SLC12A4: variants seen among roughly 807,000 people sequenced by gnomAD.
SLC12A4 encodes solute carrier family 12 member 4.
Under a neutral mutation model 119.2 loss-of-function variants are expected in SLC12A4, and 84 were observed. The observed-to-expected ratio is 0.70, with a 90% CI of 0.59 to 0.85. The LOEUF (loss-of-function observed/expected upper bound fraction) is 0.85, where lower values mean the gene tolerates loss of function less well. Among genes scored for constraint, SLC12A4 ranks in the 40% least tolerant of loss-of-function variants. The probability of loss-of-function intolerance (pLI) is 0.00; values close to 1 mark genes in which losing one functional copy is unlikely to be tolerated. For missense variants in SLC12A4, 1,298 were observed against 1,476.3 expected, an observed-to-expected ratio of 0.88 and a Z score of 1.98; for synonymous variants, 599 against 604.6, an observed-to-expected ratio of 0.99 and a Z score of 0.14.
chr16:67,964,102 C>A, intron 1 of SLC12A4: 1 of 1,519,136 alleles, frequency 6.6e-7, no homozygotes, highest in Non-Finnish European at 8.9e-7. Flanking sequence ...CCGGGGCATG[C>A]CGGGAGGTGG....
rs2029911769 is a variant in SLC12A4 at position 67,951,640 on chromosome 16, C to T, written c.1132+183G>A. ...GGCTGCTGCAGGCCTTGGACGCTGG[C>T]CAGACAGGCTCCACTCACTCCAAAC... On this transcript the variant is annotated intron_variant, in intron 8 of 23. Coordinates refer to ENST00000316341, the MANE Select transcript of SLC12A4 (RefSeq NM_005072.5). The surrounding 1 kb of genome is among the most constrained non-coding windows in gnomAD (Gnocchi z 5.2). 1 of 636,146 alleles carries T rather than the reference C, an allele frequency of 1.6e-6. No individual in the cohort carries two copies. The highest frequency in any genetic ancestry group is 1.9e-5 in the South Asian group (1 of 51,472). The allele number at this position is 636,146 out of a possible 1,614,324, so 39.4% of individuals were successfully genotyped here.
chr16:67,968,050 T>C (rs1405254306), intron 1 of SLC12A4, among the ~76,000 whole-genome samples: 1 of 151,952 alleles, frequency 6.6e-6, no homozygotes, highest in East Asian at 1.9e-4. Context: ...GAATCTCAAA[T>C]GAGGAACCGA....
Position 67,947,804 on chromosome 16 carries a change from G to T in SLC12A4, c.1848-16C>A. 1 of 1,575,622 alleles carries T rather than the reference G, an allele frequency of 6.3e-7. No homozygotes were observed. Among genetic ancestry groups the T allele is most frequent in the Non-Finnish European group, 8.6e-7 (1 of 1,160,986 alleles). On this transcript the variant is annotated splice_polypyrimidine_tract_variant and intron_variant, in intron 14 of 23. Coordinates refer to ENST00000316341, the MANE Select transcript of SLC12A4 (RefSeq NM_005072.5). ...GGACAGCGCCCTGGACGAGAGGGGAGGGCAGAGTCAGGGCAGGACCAGGAG... is the reference window on the plus strand; with the variant it reads ...GGACAGCGCCCTGGACGAGAGGGGATGGCAGAGTCAGGGCAGGACCAGGAG...
Position 67,948,067 on chromosome 16 carries a change from T to A in SLC12A4, c.1841A>T (p.Tyr614Phe). The change falls in exon 14 of 24, where the codon TAT becomes TTT. Residue 614 changes from tyrosine to phenylalanine, a missense_variant. Tyr to Phe is a conservative substitution (Grantham distance 22). Transcript: ENST00000316341. ...TGTCAGAGGCATGGCTCACCAGTGA[T>A]AGTACTTGAACCGGGGCCGCCAGTT... Reference protein sequence around the residue: ...TPNWRPRFKYYHWALSFLGMS... With the variant: ...TPNWRPRFKYFHWALSFLGMS... The A allele has an allele frequency of 1.9e-6, 3 of 1,613,040 alleles. No individual in the cohort carries two copies. The East Asian group carries it at 6.7e-5, about 36-fold the overall frequency.
At position 67,950,659 on chromosome 16, in the gene SLC12A4, C is replaced by T. The variant is rs1410148746; in HGVS notation, c.1449G>A (p.Arg483=). Residue 483 remains arginine (R), a synonymous_variant, in exon 11 of 24, where the codon CGG becomes CGA. Transcript: ENST00000316341. The surrounding 1 kb of genome is among the most constrained non-coding windows in gnomAD (Gnocchi z 4.3). Reference sequence around the variant, plus strand: ...GGGGGGCCCAGCTCACTCACTTGTCCCGGAGAACCACACCCTCAATGCAGG... The same window carrying T: ...GGGGGGCCCAGCTCACTCACTTGTCTCGGAGAACCACACCCTCAATGCAGG... ...FGACIEGVVL[R]DKYGDGVSRN... 5 of 1,612,280 alleles carry T rather than the reference C, an allele frequency of 3.1e-6. No individual in the cohort carries two copies. The highest frequency in any genetic ancestry group is 4.2e-6 in the Non-Finnish European group (5 of 1,179,206).
rs1338930506 is a variant in SLC12A4, at chr16:67,951,134, G to A, written c.1297+6C>T. On this transcript the variant is annotated splice_donor_region_variant and intron_variant, in intron 9 of 23. Transcript: ENST00000316341. This position sits in a 1 kb window ranked among gnomAD's most constrained non-coding sequence, Gnocchi z 5.2. Reference sequence around the variant, plus strand: ...AGGGCTGGGTGGGTAGGCAGGCAGGGCTCACCTGTTACAGAAGGGAAGAAG... The same window carrying A: ...AGGGCTGGGTGGGTAGGCAGGCAGGACTCACCTGTTACAGAAGGGAAGAAG... 1 of 1,613,894 alleles carries A rather than the reference G, an allele frequency of 6.2e-7. No homozygotes were observed. Among genetic ancestry groups the A allele is most frequent in the South Asian group, 1.1e-5 (1 of 91,086 alleles).
At position 67,945,155 on chromosome 16, in the gene SLC12A4, G is replaced by T; in HGVS notation, c.3098C>A (p.Ser1033Tyr). The change falls in exon 23 of 24, where the codon TCC becomes TAC. Residue 1033 changes from serine to tyrosine, a missense_variant. Ser to Tyr is a moderately radical substitution (Grantham distance 144). Coordinates refer to ENST00000316341, the MANE Select transcript of SLC12A4 (RefSeq NM_005072.5). ...TAGGAGAACCAGGCGGGCGTCGTGG[G>T]AGCGCGTGACAATGACTTCATTGAG... ...VKLNEVIVTR[S>Y]HDARLVLLNM... is the part of the protein sequence containing the mutation. 1 of 1,598,612 alleles carries T rather than the reference G, an allele frequency of 6.3e-7. No individual in the cohort carries two copies. The highest frequency in any genetic ancestry group is 1.1e-5 in the South Asian group (1 of 88,840).
rs201009253 is a variant in SLC12A4 at position 67,951,174 on chromosome 16, G to A, written c.1263C>T (p.Thr421=). ...AAGGGAAGAAGATGCCGACCAGCAC[G>A]GTGAAGGATGTGGCGATGTCAGCGA... is the stretch of plus-strand genomic sequence containing the variant. ...YVVADIATSF[T]VLVGIFFPSV... is the part of the protein sequence containing the mutation. The change falls in exon 9 of 24, where the codon ACC becomes ACT. Residue 421 remains threonine, a synonymous_variant. Coordinates refer to ENST00000316341, the MANE Select transcript of SLC12A4 (RefSeq NM_005072.5). This position sits in a 1 kb window ranked among gnomAD's most constrained non-coding sequence, Gnocchi z 5.2. 28 of 1,614,060 alleles carry A rather than the reference G, an allele frequency of 1.7e-5. No individual in the cohort carries two copies. Among genetic ancestry groups the A allele is most frequent in the East Asian group, 6.7e-5 (3 of 44,880 alleles).
intron 13 of SLC12A4, among the ~76,000 whole-genome samples, chr16:67,948,718 TC>T (rs1004205007): frequency 1.1e-4 from 17 of 152,028 alleles, no homozygotes; most frequent in African/African-American, 4.1e-4. Flanking sequence ...GGGCAGGGGC[TC>T]CCAGCAGGAG....
Position 67,957,893 on chromosome 16 carries a change from C to T in SLC12A4, c.489+5G>A, listed in dbSNP as rs2030358674. On this transcript the variant is annotated splice_donor_5th_base_variant and intron_variant, in intron 4 of 23. Transcript: ENST00000316341. ...AGCCCAACCCTCCCACGCCAGGACA[C>T]TCACACAACAGCAGCAGATAAGCAC... is the stretch of plus-strand genomic sequence containing the variant. The T allele has an allele frequency of 6.2e-7, 1 of 1,614,056 alleles. No individual in the cohort carries two copies. Among genetic ancestry groups the T allele is most frequent in the Admixed American group, 1.7e-5 (1 of 60,010 alleles).
Position 67,958,057 on chromosome 16 carries a change from A to G in SLC12A4, c.343-13T>C. The G allele has an allele frequency of 6.2e-7, 1 of 1,612,706 alleles. No individual in the cohort carries two copies. Among genetic ancestry groups the G allele is most frequent in the Non-Finnish European group, 8.5e-7 (1 of 1,179,134 alleles). On this transcript the variant is annotated splice_polypyrimidine_tract_variant and intron_variant, in intron 3 of 23. Coordinates refer to ENST00000316341, the MANE Select transcript of SLC12A4 (RefSeq NM_005072.5). Reference sequence around the variant, plus strand: ...CCATGCTGGGTGCCTATGCGAACACAAAGGGAGGGGGCGAGTAGAGCATCA... The same window carrying G: ...CCATGCTGGGTGCCTATGCGAACACGAAGGGAGGGGGCGAGTAGAGCATCA...
chr16:67,957,513 C>CTTTTTTTTTTTTTT, intron 5 of SLC12A4: 1 of 562,932 alleles, frequency 1.8e-6, no homozygotes. Context: ...ATACATTGCC[C>CTTTTTTTTTTTTTT]TTTTTTTTTC....
Position 67,952,038 on chromosome 16 carries a change from C to T in SLC12A4, c.918-1G>A. On this transcript the variant is annotated splice_acceptor_variant, in intron 7 of 23. Coordinates refer to ENST00000316341, the MANE Select transcript of SLC12A4 (RefSeq NM_005072.5). LOFTEE classifies it high-confidence loss of function. ...GGTCCTGTTGCCCAGCATGCATACC[C>T]TGTGAGGGACAGAAGCACCGGCACC... 6.2e-7 allele frequency: 1 copy of T among 1,613,224 alleles called. No homozygotes were observed. The highest frequency in any genetic ancestry group is 8.5e-7 in the Non-Finnish European group (1 of 1,179,450).
At chr16:67,953,338 G>T (rs1355777925) in intron 6 of SLC12A4, among the ~76,000 whole-genome samples, 2 of 152,224 alleles carry the variant, frequency 1.3e-5, no homozygotes, top group South Asian at 2.1e-4. Flanking sequence ...AGTGAGCTGT[G>T]ATCATGCCAC....
At chr16:67,948,595 C>T (rs529995141) in intron 13 of SLC12A4, among the ~76,000 whole-genome samples, 6 of 152,326 alleles carry the variant, frequency 3.9e-5, no homozygotes, top group Admixed American at 3.9e-4. Flanking sequence ...AGAGTCACTG[C>T]GGTGGGCGTG....
rs762296109 is a variant in SLC12A4, at chr16:67,945,147, C to T, written c.3106G>A (p.Ala1036Thr). The change falls in exon 23 of 24, where the codon GCC becomes ACC. Residue 1036 changes from alanine to threonine, a missense_variant. Physicochemically the swap from Ala to Thr is moderately conservative, Grantham distance 58. Coordinates refer to ENST00000316341, the MANE Select transcript of SLC12A4 (RefSeq NM_005072.5). ...GGCATGTTTAGGAGAACCAGGCGGG[C>T]GTCGTGGGAGCGCGTGACAATGACT... ...NEVIVTRSHD[A>T]RLVLLNMPGP... The T allele has an allele frequency of 1.4e-5, 22 of 1,599,186 alleles. 1 individual carries two copies. The highest frequency in any genetic ancestry group is 1.0e-4 in the South Asian group (9 of 88,980).
intron 15 of SLC12A4, 74 bp downstream of exon 15, chr16:67,947,595 C>A: frequency 6.5e-7 from 1 of 1,542,952 alleles, no homozygotes; most frequent in African/African-American, 1.4e-5. Flanking sequence ...CCTGCCCACC[C>A]CAATGCCAGA....
chr16:67,951,117 G>C lies in SLC12A4; in HGVS notation c.1297+23C>G, dbSNP rs755147591. The C allele has an allele frequency of 1.2e-6, 2 of 1,613,772 alleles. No homozygotes were observed. Among genetic ancestry groups the C allele is most frequent in the Non-Finnish European group, 1.7e-6 (2 of 1,179,762 alleles). ...TCCCCGGGATTGGGGACAGGGCTGG[G>C]TGGGTAGGCAGGCAGGGCTCACCTG... On this transcript the variant is annotated intron_variant, in intron 9 of 23. Transcript: ENST00000316341. This position sits in a 1 kb window ranked among gnomAD's most constrained non-coding sequence, Gnocchi z 5.2.
rs1484793343 is a variant in SLC12A4 at position 67,950,250 on chromosome 16, C to T, written c.1629+69G>A. The T allele has an allele frequency of 6.4e-7, 1 of 1,555,818 alleles. No individual in the cohort carries two copies. The highest frequency in any genetic ancestry group is 1.2e-5 in the South Asian group (1 of 84,748). ...GCAGGACGTGCTGCATCTGTGTTCC[C>T]TATCTCTCTCCCCAGCCGGGCGAGG... On this transcript the variant is annotated intron_variant, in intron 12 of 23. Coordinates refer to ENST00000316341, the MANE Select transcript of SLC12A4 (RefSeq NM_005072.5). This position sits in a 1 kb window ranked among gnomAD's most constrained non-coding sequence, Gnocchi z 4.3.
Sources: allele counts gnomAD v4.1 joint callset (sites outside exome capture counted in the v4.1 genomes callset), GRCh38; gene constraint gnomAD v4.1.1; non-coding constraint Gnocchi (gnomAD v3.1); transcripts MANE v1.5; gene names NCBI Gene and HGNC (gene_info 2026-07-23, HGNC 2026-07-21).